HELQ: variants seen among roughly 807,000 people sequenced by gnomAD.
HELQ encodes the protein helicase POLQ-like.
A neutral mutation model predicts 111.6 loss-of-function variants in HELQ; 77 were observed. The ratio of observed to expected loss-of-function variants is 0.69; its 90% CI spans 0.57 to 0.83. The LOEUF (loss-of-function observed/expected upper bound fraction) is 0.83, where lower values mean the gene tolerates loss of function less well. Ranked by LOEUF, HELQ falls within the 40% of genes least tolerant of loss-of-function variation. HELQ has a pLI of 0.00. For synonymous variants in HELQ, 438 were observed against 454.7 expected (o/e 0.96, Z 0.47); for missense variants, 1,200 against 1,288.5 (o/e 0.93, Z 1.05).
intron 14 of HELQ, among the ~76,000 whole-genome samples, chr4:83,424,218 A>G (rs1439907271): frequency 6.6e-6 from 1 of 152,180 alleles, no homozygotes; most frequent in Non-Finnish European, 1.5e-5. Flanking sequence ...TATTATTCTA[A>G]TAAGATTTTT....
chr4:83,453,837 G>A lies in HELQ; in HGVS notation c.406C>T (p.His136Tyr). The change falls in exon 2 of 18, where the codon CAT becomes TAT. Residue 136 changes from histidine (H) to tyrosine (Y), a missense_variant. Around this residue, in one of 3 missense-constraint regions of HELQ, gnomAD observed 610 missense variants for 607.1 expected, o/e 1.00. Coordinates refer to ENST00000295488, the MANE Select transcript of HELQ (RefSeq NM_133636.5). ...LEQKYMQLPEHKKHATDFATE... is the reference protein window; with the variant it reads ...LEQKYMQLPEYKKHATDFATE... Reference sequence around the variant, plus strand: ...GCAAAGTCTGTAGCATGTTTCTTATGTTCAGGGAGTTGCATATATTTTTGT... The same window carrying A: ...GCAAAGTCTGTAGCATGTTTCTTATATTCAGGGAGTTGCATATATTTTTGT... 3.1e-6 allele frequency: 5 copies of A among 1,613,920 alleles called. No homozygotes were observed. The highest frequency in any genetic ancestry group is 4.2e-6 in the Non-Finnish European group (5 of 1,179,830).
intron 17 of HELQ, among the ~76,000 whole-genome samples, chr4:83,408,736 C>G (rs191396130): frequency 2.4e-4 from 36 of 151,526 alleles, no homozygotes; most frequent in Non-Finnish European, 1.0e-4. Flanking sequence ...TGAGCTCCCA[C>G]CCAAGTGTTT....
intron 11 of HELQ, 66 bp from the exon 12 acceptor site, chr4:83,429,812 T>G: frequency 1.1e-6 from 1 of 927,236 alleles, no homozygotes; most frequent in Non-Finnish European, 1.7e-6. Flanking sequence ...GAATGCATAT[T>G]AATCAAGATA....
rs148081602 is a variant in HELQ at position 83,453,401 on chromosome 4, G to A, written c.842C>T (p.Thr281Ile). 7.6e-5 allele frequency: 122 copies of A among 1,605,780 alleles called. No individual in the cohort carries two copies. Among genetic ancestry groups the A allele is most frequent in the Non-Finnish European group, 9.6e-5 (113 of 1,177,528 alleles). ...CTGTTTACTTCTAGAAAATATTGGTGTCTGGGCCTTCGCATTTCCAGTCAT... is the reference window on the plus strand; with the variant it reads ...CTGTTTACTTCTAGAAAATATTGGTATCTGGGCCTTCGCATTTCCAGTCAT... ...NAMTGNAKAQ[T>I]PIFSRSKQLK... is the part of the protein sequence containing the mutation. Residue 281 changes from threonine to isoleucine, a missense_variant, in exon 2 of 18, where the codon ACA becomes ATA. Thr to Ile is a moderately conservative substitution (Grantham distance 89). This residue lies in a region of HELQ where 610 missense variants were observed against 607.1 expected (regional missense o/e 1.00). Coordinates refer to ENST00000295488, the MANE Select transcript of HELQ (RefSeq NM_133636.5).
rs1578109682 is a variant in HELQ, at chr4:83,453,556, G to GT, written c.686dup (p.Asn229LysfsTer5). On this transcript the variant is annotated frameshift_variant, in exon 2 of 18. Transcript: ENST00000295488. LOFTEE classifies it high-confidence loss of function. Reference sequence around the variant, plus strand: ...TATGGGGCAGTTCCTCATTCACAGTGTTGTGAGAGGATGACTTCCAATCCC... The same window carrying GT: ...TATGGGGCAGTTCCTCATTCACAGTGTTTGTGAGAGGATGACTTCCAATCCC... 1.9e-6 allele frequency: 3 copies of GT among 1,613,612 alleles called. No homozygotes were observed. The East Asian group carries it at 6.7e-5, about 36-fold the overall frequency.
Position 83,436,943 on chromosome 4 carries a change from A to G in HELQ, c.1963T>C (p.Leu655=), listed in dbSNP as rs1443761079. The G allele has an allele frequency of 6.2e-7, 1 of 1,614,214 alleles. No homozygotes were observed. Among genetic ancestry groups the G allele is most frequent in the Non-Finnish European group, 8.5e-7 (1 of 1,180,032 alleles). The change falls in exon 9 of 18, where the codon TTG becomes CTG. Residue 655 remains leucine, a synonymous_variant. Transcript: ENST00000295488. ...SGLTSDERKL[L]EEAYSTGVLC... The stretch of plus-strand genomic sequence containing the variant: ...ACTCCTGTGGAGTAGGCCTCCTCCA[A>G]GAGTTTCCTTTCATCACTTGTTAAG...
At chr4:83,442,806 C>T (rs1374400091) in intron 6 of HELQ, among the ~76,000 whole-genome samples, 1 of 152,064 alleles carries the variant, frequency 6.6e-6, no homozygotes. Flanking sequence ...CATGCCCCGG[C>T]CTCTTAAAGT....
intron 17 of HELQ, among the ~76,000 whole-genome samples, chr4:83,411,022 T>C (rs1302088724): frequency 6.7e-6 from 1 of 149,454 alleles, no homozygotes; most frequent in African/African-American, 2.5e-5. Context: ...TAGCTGGGTG[T>C]GGTGGTGCAT....
At chr4:83,426,470 AC>A (rs1353416399) in intron 13 of HELQ, among the ~76,000 whole-genome samples, 1 of 152,104 alleles carries the variant, frequency 6.6e-6, no homozygotes, top group Non-Finnish European at 1.5e-5. Context: ...AGAAAAAAAA[AC>A]AGTAATGATT....
At chr4:83,409,346 C>T (rs902236139) in intron 17 of HELQ, among the ~76,000 whole-genome samples, 3 of 151,932 alleles carry the variant, frequency 2.0e-5, no homozygotes, top group Non-Finnish European at 4.4e-5. Flanking sequence ...GTCAGGAGAT[C>T]GAGACCATCC....
intron 5 of HELQ, among the ~76,000 whole-genome samples, chr4:83,445,227 T>C (rs750679289): frequency 6.6e-6 from 1 of 152,194 alleles, no homozygotes. Context: ...AATATTCAAA[T>C]AGGGATGCCC....
intron 10 of HELQ, 133 bp from the exon 11 acceptor site, chr4:83,431,901 A>G: frequency 2.0e-6 from 1 of 500,086 alleles, no homozygotes; most frequent in Non-Finnish European, 3.4e-6. Context: ...AAAAGAATTT[A>G]ACATTTATCT....
intron 16 of HELQ, among the ~76,000 whole-genome samples, chr4:83,417,433 C>T (rs758174733): frequency 6.6e-6 from 1 of 152,082 alleles, no homozygotes; most frequent in Admixed American, 6.6e-5. Flanking sequence ...GAACTCCTGA[C>T]CTCAATTGAT....
At chr4:83,448,441 G>A (rs112395700) in intron 3 of HELQ, among the ~76,000 whole-genome samples, 1,834 of 152,002 alleles carry the variant, frequency 0.012, 28 homozygotes, top group African/African-American at 0.042. Context: ...AGGCTGAGGC[G>A]GGTGGATCAC....
chr4:83,421,333 G>A (rs1161853129), intron 15 of HELQ, among the ~76,000 whole-genome samples: 3 of 152,194 alleles, frequency 2.0e-5, no homozygotes, highest in Non-Finnish European at 4.4e-5. Flanking sequence ...TTTTCATTAT[G>A]TGTTTTAGTT....
chr4:83,425,818 C>T (rs2109979804), intron 14 of HELQ, among the ~76,000 whole-genome samples, 176 bp downstream of exon 14: 1 of 152,212 alleles, frequency 6.6e-6, no homozygotes, highest in Non-Finnish European at 1.5e-5. Context: ...AATATTCATA[C>T]ATTTTGGGTG....
intron 2 of HELQ, 143 bp from the exon 3 acceptor site, chr4:83,449,104 C>CA (rs1721213911): frequency 1.5e-6 from 1 of 682,458 alleles, no homozygotes; most frequent in Non-Finnish European, 2.4e-6. Context: ...TGTTACATGT[C>CA]AAAAATCCCA....
rs372882705 is a variant in HELQ, at chr4:83,443,590, C to T, written c.1490G>A (p.Ser497Asn). 3.2e-6 allele frequency: 5 copies of T among 1,569,776 alleles called. No individual in the cohort carries two copies. Among genetic ancestry groups the T allele is most frequent in the Admixed American group, 1.8e-5 (1 of 56,706 alleles). Reference protein sequence around the residue: ...TSKTTQIIGMSATLNNVEDLQ... With the variant: ...TSKTTQIIGMNATLNNVEDLQ... The stretch of plus-strand genomic sequence containing the variant: ...GTCTTCAACATTGTTTAATGTTGCA[C>T]TCATACCAATAATTTGAGTCGTTTC... The change falls in exon 6 of 18, where the codon AGT becomes AAT. Residue 497 changes from serine to asparagine, a missense_variant. Around this residue, in one of 3 missense-constraint regions of HELQ, gnomAD observed 610 missense variants for 607.1 expected, o/e 1.00. Transcript: ENST00000295488.
At chr4:83,425,903 T>C in intron 14 of HELQ, 91 bp downstream of exon 14, 1 of 678,552 alleles carries the variant, frequency 1.5e-6, no homozygotes, top group South Asian at 2.1e-5. Flanking sequence ...AAAAGATCAA[T>C]ATAATGGTAC....
Sources: allele counts gnomAD v4.1 joint callset (sites outside exome capture counted in the v4.1 genomes callset), GRCh38; gene constraint gnomAD v4.1.1; regional missense constraint gnomAD v4.1.1; transcripts MANE v1.5; gene names NCBI Gene and HGNC (gene_info 2026-07-23, HGNC 2026-07-21).